The following SDAD1 variants were observed in gnomAD, a reference collection of about 807,000 sequenced individuals.
SDAD1 encodes SDA1 domain containing 1, also known as protein SDA1 homolog.
SDAD1 carries 79 observed loss-of-function variants against 100.3 expected under a neutral mutation model. The observed-to-expected ratio is 0.79, with a 90% CI of 0.66 to 0.95. The LOEUF (loss-of-function observed/expected upper bound fraction) is 0.95, where lower values mean the gene tolerates loss of function less well. Among genes scored for constraint, SDAD1 ranks in the 40% least tolerant of loss-of-function variants. The pLI, the probability that SDAD1 is intolerant of heterozygous loss-of-function variation, is 0.00. For synonymous variants in SDAD1, 267 were observed against 271.4 expected, an observed-to-expected ratio of 0.98 and a Z score of 0.16; for missense variants, 790 against 810.9, an observed-to-expected ratio of 0.97 and a Z score of 0.31.
At chr4:75,964,515 C>T (rs1729427502) in intron 13 of SDAD1, among the ~76,000 whole-genome samples, 1 of 151,760 alleles carries the variant, frequency 6.6e-6, no homozygotes, top group South Asian at 2.1e-4. Flanking sequence ...TTCTAAACAA[C>T]TTGTCTGAAA....
chr4:75,956,879 G>A (rs1728926422), intron 20 of SDAD1, among the ~76,000 whole-genome samples: 1 of 152,220 alleles, frequency 6.6e-6, no homozygotes, highest in South Asian at 2.1e-4. Context: ...GGAGGCTGAG[G>A]CGGGTGGATC....
At chr4:75,987,703 T>C (rs542642376) in intron 1 of SDAD1, among the ~76,000 whole-genome samples, 45 of 152,302 alleles carry the variant, frequency 3.0e-4, no homozygotes, top group African/African-American at 1.0e-3. Flanking sequence ...GGTTTCACCA[T>C]GTTGGTCAGG....
chr4:75,968,009 A>C (rs1729644904), intron 11 of SDAD1, among the ~76,000 whole-genome samples: 1 of 152,180 alleles, frequency 6.6e-6, no homozygotes, highest in Admixed American at 6.5e-5. Flanking sequence ...GAATAAACTA[A>C]TTTTTTCTAT....
At chr4:75,973,263 T>G (rs565297355) in intron 8 of SDAD1, 54 bp downstream of exon 8, 6 of 1,388,002 alleles carry the variant, frequency 4.3e-6, no homozygotes, top group Non-Finnish European at 6.2e-6. Context: ...TTACAATGTG[T>G]ACTCAGAGCA....
rs1729864028 is a variant in SDAD1 at position 75,971,474 on chromosome 4, C to T, written c.712-16G>A. The T allele has an allele frequency of 6.3e-7, 1 of 1,578,254 alleles. No homozygotes were observed. Among genetic ancestry groups the T allele is most frequent in the Non-Finnish European group, 8.7e-7 (1 of 1,149,702 alleles). ...GTCCATCATCCTAAAGAAGAAATTA[C>T]TTTGTAAAATTGTAAACAAGGAAAA... On this transcript the variant is annotated splice_polypyrimidine_tract_variant and intron_variant, in intron 8 of 21. Transcript: ENST00000356260.
chr4:75,960,171 T>G lies in SDAD1; in HGVS notation c.1378A>C (p.Ile460Leu). The change falls in exon 17 of 22, where the codon ATA becomes CTA. Residue 460 changes from isoleucine to leucine, a missense_variant. By Grantham distance (5) the Ile-to-Leu change is conservative (BLOSUM62 2). Transcript: ENST00000356260. ...KFRGKPTEAS[I>L]EARVQEYGEL... is the part of the protein sequence containing the mutation. Reference sequence around the variant, plus strand: ...CCATATTCTTGTACTCTTGCTTCTATGGAGGCCTCTGTAGGCTTACCCTAA... The same window carrying G: ...CCATATTCTTGTACTCTTGCTTCTAGGGAGGCCTCTGTAGGCTTACCCTAA... 6.2e-7 allele frequency: 1 copy of G among 1,607,338 alleles called. No homozygotes were observed. Among genetic ancestry groups the G allele is most frequent in the East Asian group, 2.2e-5 (1 of 44,630 alleles).
chr4:75,981,839 C>A, intron 2 of SDAD1, 94 bp downstream of exon 2: 1 of 910,370 alleles, frequency 1.1e-6, no homozygotes, highest in African/African-American at 1.7e-5. Context: ...ATTAAGTTCC[C>A]ATTCCAGAGT....
Position 75,950,511 on chromosome 4 carries a change from CT to C in SDAD1, c.*238del, listed in dbSNP as rs1023481831. On this transcript the variant is annotated 3_prime_UTR_variant, in exon 22 of 22. Coordinates refer to ENST00000356260, the MANE Select transcript of SDAD1 (RefSeq NM_018115.4). The stretch of plus-strand genomic sequence containing the variant: ...ACAATGAATAGGCACTCAATACATA[CT>C]TTTTTTTGCATGAATGATAAATGAA... 294 of 439,968 alleles carry C rather than the reference CT, an allele frequency of 6.7e-4. No individual in the cohort carries two copies. Among genetic ancestry groups the C allele is most frequent in the Middle Eastern group, 1.9e-3 (3 of 1,568 alleles). The allele number at this position is 439,968 out of a possible 1,614,324, so 27.3% of individuals were successfully genotyped here. A position where few individuals can be genotyped will look rare whatever the true frequency, so the allele number is the denominator to read the frequency against.
Position 75,966,598 on chromosome 4 carries a change from G to C in SDAD1, c.1045+679C>G, listed in dbSNP as rs532451104. Among the ~76,000 whole-genome samples the C allele has an allele frequency of 8.3e-4, 127 of 152,216 alleles. 1 individual carries two copies. The highest frequency in any genetic ancestry group is 3.0e-3 in the African/African-American group (124 of 41,524). ...CAATCATCTCTTCTTTCCTGCTTTT[G>C]TGTTGTTTTTCATTGAGAATGCATG... On this transcript the variant is annotated intron_variant, in intron 12 of 21. Transcript: ENST00000356260.
rs1007848898 is a variant in SDAD1, at chr4:75,961,122, T to C, written c.1280-18A>G. The C allele has an allele frequency of 4.3e-6, 7 of 1,612,466 alleles. No homozygotes were observed. In the African/African-American group the frequency reaches 8.0e-5, roughly 18 times the overall value. On this transcript the variant is annotated intron_variant, in intron 15 of 21. Coordinates refer to ENST00000356260, the MANE Select transcript of SDAD1 (RefSeq NM_018115.4). ...CATTACATCTGTAAAATAATACTTT[T>C]AATTAGAAATTCTGGCCCATAGAGT...
intron 8 of SDAD1, among the ~76,000 whole-genome samples, chr4:75,972,749 C>T (rs1238070359): frequency 6.8e-6 from 1 of 148,104 alleles, no homozygotes; most frequent in Non-Finnish European, 1.5e-5. Context: ...TGGCCAGGTA[C>T]GGTGGCTCAC....
chr4:75,961,431 G>C, intron 14 of SDAD1, 123 bp from the exon 15 acceptor site: 1 of 688,872 alleles, frequency 1.5e-6, no homozygotes, highest in Non-Finnish European at 2.4e-6. Flanking sequence ...TATAGCTTAG[G>C]TCTCCAAAAC....
At chr4:75,977,535 T>C in intron 4 of SDAD1, 111 bp downstream of exon 4, 1 of 754,264 alleles carries the variant, frequency 1.3e-6, no homozygotes, top group East Asian at 2.6e-5. Context: ...AATGGTTGCT[T>C]TTTCCTGTTA....
At chr4:75,982,445 C>T (rs1370288392) in intron 1 of SDAD1, among the ~76,000 whole-genome samples, 1 of 151,942 alleles carries the variant, frequency 6.6e-6, no homozygotes, top group Non-Finnish European at 1.5e-5. Flanking sequence ...CCCAGGAGTT[C>T]GAGACCAAAC....
At chr4:75,967,941 T>C (rs1554015) in intron 11 of SDAD1, among the ~76,000 whole-genome samples, 121,775 of 152,196 alleles carry the variant, frequency 0.8, 51,322 homozygotes, top group East Asian at 0.94. Flanking sequence ...TAATGTTTAA[T>C]TTCAAGAAGA....
intron 10 of SDAD1, 26 bp from the exon 11 acceptor site, chr4:75,969,425 A>T (rs1170580849): frequency 1.4e-6 from 2 of 1,479,056 alleles, no homozygotes; most frequent in South Asian, 2.3e-5. Flanking sequence ...TGAAAGAAGT[A>T]CATTGTGAGT....
intron 11 of SDAD1, among the ~76,000 whole-genome samples, chr4:75,968,366 T>C (rs939185758): frequency 6.6e-6 from 1 of 152,244 alleles, no homozygotes; most frequent in Non-Finnish European, 1.5e-5. Context: ...TCTATATTGT[T>C]TGAAAAGTGT....
chr4:75,979,519 G>A (rs550301220), intron 3 of SDAD1, among the ~76,000 whole-genome samples: 7 of 151,486 alleles, frequency 4.6e-5, no homozygotes, highest in Middle Eastern at 3.4e-3. Flanking sequence ...GCAATGGCGC[G>A]ATCTCGGCTC....
intron 3 of SDAD1, among the ~76,000 whole-genome samples, chr4:75,978,578 T>A (rs1730291163): frequency 6.6e-6 from 1 of 152,074 alleles, no homozygotes. Flanking sequence ...CTTCATTAGA[T>A]GAAATACAAT....
Sources: gnomAD v4.1 joint callset for allele counts (sites outside exome capture counted in the v4.1 genomes callset) on GRCh38, gnomAD v4.1.1 for gene constraint, MANE v1.5 for transcripts, NCBI Gene and HGNC (gene_info 2026-07-23, HGNC 2026-07-21) for gene names.